STRN3: variants seen among roughly 807,000 people sequenced by gnomAD.
The protein encoded by STRN3 is striatin-3.
In STRN3, 29 loss-of-function variants were observed where a neutral mutation model predicts 95.6. The observed-to-expected ratio is 0.30, with a 90% CI of 0.23 to 0.41. STRN3 has a LOEUF of 0.41. STRN3 is among the 10% of genes least tolerant of loss of function. The probability of loss-of-function intolerance (pLI) is 1.00; values close to 1 mark genes in which losing one functional copy is unlikely to be tolerated. For missense variants in STRN3, 890 were observed against 972.1 expected (o/e 0.92, Z 1.12); for synonymous variants, 331 against 357.6 (o/e 0.93, Z 0.84).
At chr14:30,956,115 T>C in intron 2 of STRN3, 24 bp downstream of exon 2, 1 of 1,587,490 alleles carries the variant, frequency 6.3e-7, no homozygotes, top group Non-Finnish European at 8.6e-7. Flanking sequence ...ACTTTATTCA[T>C]GTAACAAAAT....
rs776576376 is a variant in STRN3 at position 30,935,179 on chromosome 14, C to T, written c.972G>A (p.Gly324=). 1.2e-5 allele frequency: 20 copies of T among 1,613,996 alleles called. No individual in the cohort carries two copies. The South Asian group carries it at 2.0e-4, about 16-fold the overall frequency. Residue 324 remains glycine (G), a synonymous_variant, in exon 7 of 18, where the codon GGG becomes GGA. Coordinates refer to ENST00000357479, the MANE Select transcript of STRN3 (RefSeq NM_001083893.2). ...TCACCTTACCCCATTCTGTGCCATC[C>T]CCCGAACTCCGTGCTTCTCCAGCTC... ...GEGAGEARSS[G]DGTEWDKDDL... is the part of the protein sequence containing the mutation.
At chr14:30,906,025 T>C (rs1308081371) in intron 14 of STRN3, among the ~76,000 whole-genome samples, 1 of 152,192 alleles carries the variant, frequency 6.6e-6, no homozygotes, top group Non-Finnish European at 1.5e-5. Flanking sequence ...TGAAAATGGC[T>C]TGGACTCTGG....
intron 1 of STRN3, among the ~76,000 whole-genome samples, chr14:31,011,513 C>A (rs1175243257): frequency 6.6e-6 from 1 of 152,086 alleles, no homozygotes; most frequent in Non-Finnish European, 1.5e-5. Context: ...CGTGGTGGCA[C>A]ACGCCTGAAA....
At chr14:30,987,764 C>T (rs1881766344) in intron 1 of STRN3, among the ~76,000 whole-genome samples, 1 of 149,344 alleles carries the variant, frequency 6.7e-6, no homozygotes, top group Non-Finnish European at 1.5e-5. Flanking sequence ...TTGAGACAGA[C>T]TCTCGTTCTG....
intron 1 of STRN3, among the ~76,000 whole-genome samples, chr14:31,015,374 CA>C (rs1394764781): frequency 6.6e-6 from 1 of 151,248 alleles, no homozygotes; most frequent in African/African-American, 2.4e-5. Flanking sequence ...TAAACACTTT[CA>C]ATTTTTTTTT....
chr14:30,995,664 T>C (rs1882163119), intron 1 of STRN3, among the ~76,000 whole-genome samples: 1 of 152,194 alleles, frequency 6.6e-6, no homozygotes, highest in Admixed American at 6.5e-5. Flanking sequence ...TTATTATCAG[T>C]AAAAACATAC....
chr14:30,984,494 T>C (rs1412261390), intron 1 of STRN3, among the ~76,000 whole-genome samples: 1 of 152,024 alleles, frequency 6.6e-6, no homozygotes, highest in Non-Finnish European at 1.5e-5. Flanking sequence ...TACTTAGTAC[T>C]AGCTCATTAA....
chr14:30,911,665 A>C (rs1896613124), intron 12 of STRN3, 112 bp downstream of exon 12: 3 of 933,456 alleles, frequency 3.2e-6, no homozygotes, highest in Non-Finnish European at 4.8e-6. Flanking sequence ...TTATTCAAGT[A>C]ATACATCTTT....
At chr14:30,938,824 A>G (rs1878952714) in intron 5 of STRN3, among the ~76,000 whole-genome samples, 1 of 152,218 alleles carries the variant, frequency 6.6e-6, no homozygotes, top group East Asian at 1.9e-4. Context: ...ACATTGCATC[A>G]TAACGATAGG....
In STRN3 at chr14:30,990,833, GTTATA is replaced by G. The variant is rs574264632; in HGVS notation, c.283-34596_283-34592del. On this transcript the variant is annotated intron_variant, in intron 1 of 17. Coordinates refer to ENST00000357479, the MANE Select transcript of STRN3 (RefSeq NM_001083893.2). ...ACAATGTAGGTGCATGTAAATAGTT[GTTATA>G]TTATACTGTTTAGGGAATAATGACA... Among the ~76,000 whole-genome samples, 262 of 152,196 alleles carry G rather than the reference GTTATA, an allele frequency of 1.7e-3. 2 individuals carry two copies. Among genetic ancestry groups the G allele is most frequent in the African/African-American group, 5.8e-3 (239 of 41,522 alleles).
At chr14:30,930,924 C>G (rs1238195833) in intron 7 of STRN3, among the ~76,000 whole-genome samples, 1 of 151,866 alleles carries the variant, frequency 6.6e-6, no homozygotes, top group Non-Finnish European at 1.5e-5. Context: ...TTAAACCTCA[C>G]AGAGACCAAA....
At chr14:30,928,725 A>G (rs1594449986) in intron 8 of STRN3, among the ~76,000 whole-genome samples, 1 of 152,058 alleles carries the variant, frequency 6.6e-6, no homozygotes, top group Non-Finnish European at 1.5e-5. Flanking sequence ...TCTTTTTGCT[A>G]TTGTTGTTGT....
chr14:30,957,554 C>T (rs181498396), intron 1 of STRN3, among the ~76,000 whole-genome samples: 2 of 152,078 alleles, frequency 1.3e-5, no homozygotes, highest in African/African-American at 4.8e-5. Context: ...ACAGTAAATG[C>T]CATACTATTA....
intron 15 of STRN3, among the ~76,000 whole-genome samples, chr14:30,904,912 A>G (rs1896419795): frequency 1.3e-5 from 2 of 151,930 alleles, no homozygotes; most frequent in Non-Finnish European, 2.9e-5. Flanking sequence ...AACTAGCAAA[A>G]TCCAGACTGT....
At chr14:31,016,612 C>T (rs892988202) in intron 1 of STRN3, among the ~76,000 whole-genome samples, 27 of 152,024 alleles carry the variant, frequency 1.8e-4, no homozygotes, top group Non-Finnish European at 3.5e-4. Flanking sequence ...GGCGCGATCT[C>T]GACTCACTAC....
At chr14:31,014,060 T>C (rs1405092633) in intron 1 of STRN3, among the ~76,000 whole-genome samples, 2 of 151,872 alleles carry the variant, frequency 1.3e-5, no homozygotes, top group African/African-American at 2.4e-5. Flanking sequence ...AACACCATTG[T>C]GTCCAGCTAA....
intron 1 of STRN3, among the ~76,000 whole-genome samples, chr14:30,984,180 TTTC>T: frequency 8.6e-6 from 1 of 115,650 alleles, no homozygotes. Flanking sequence ...TTTAAATGTA[TTTC>T]TTTTCATGAA....
At chr14:31,010,957 T>C (rs2139319706) in intron 1 of STRN3, among the ~76,000 whole-genome samples, 1 of 152,344 alleles carries the variant, frequency 6.6e-6, no homozygotes, top group South Asian at 2.1e-4. Context: ...GAGAATCACT[T>C]GAACCCAGGC....
At chr14:30,956,413 T>C (rs1258590591) in intron 1 of STRN3, among the ~76,000 whole-genome samples, 171 bp from the exon 2 acceptor site, 1 of 152,076 alleles carries the variant, frequency 6.6e-6, no homozygotes, top group African/African-American at 2.4e-5. Context: ...AGCACTTTGG[T>C]AGGCCAAGGC....
Sources: gnomAD v4.1 joint callset for allele counts (sites outside exome capture counted in the v4.1 genomes callset) on GRCh38, gnomAD v4.1.1 for gene constraint, MANE v1.5 for transcripts, NCBI Gene and HGNC (gene_info 2026-07-23, HGNC 2026-07-21) for gene names.